The following IL4R variants were observed in gnomAD, a reference collection of about 807,000 sequenced individuals.
The protein encoded by IL4R is interleukin-4 receptor subunit alpha.
Under a neutral mutation model 41.5 loss-of-function variants are expected in IL4R, and 17 were observed. That is an observed-to-expected ratio of 0.41 (90% CI 0.28 to 0.61). The LOEUF (loss-of-function observed/expected upper bound fraction) is 0.61, where lower values mean the gene tolerates loss of function less well. Ranked by LOEUF, IL4R falls within the 20% of genes least tolerant of loss-of-function variation. IL4R has a pLI of 0.31. For synonymous variants in IL4R, 402 were observed against 422.9 expected, an observed-to-expected ratio of 0.95 and a Z score of 0.61; for missense variants, 974 against 1,043.1, an observed-to-expected ratio of 0.93 and a Z score of 0.91.
intron 1 of IL4R, among the ~76,000 whole-genome samples, chr16:27,319,220 C>G (rs56865014): frequency 9.9e-5 from 15 of 152,184 alleles, no homozygotes; most frequent in African/African-American, 3.6e-4. Context: ...AGAAAGAGGT[C>G]TAGGAGCAGA....
rs191235205 is a variant in IL4R, at chr16:27,338,075, G to C, written c.-18-2111G>C. ...GGGTTCAAGCAATTCTCCCACCTCG[G>C]CCTCCCGTGTAGCTGGGACTACAGG... is the stretch of plus-strand genomic sequence containing the variant. On this transcript the variant is annotated intron_variant, in intron 2 of 10. Transcript: ENST00000395762. 7.4e-3 allele frequency among the ~76,000 whole-genome samples: 1,118 copies of C among 150,590 alleles called. 10 individuals are homozygous for C. Among genetic ancestry groups the C allele is most frequent in the African/African-American group, 0.026 (1,075 of 40,970 alleles).
At chr16:27,328,165 C>T (rs1011081989) in intron 1 of IL4R, among the ~76,000 whole-genome samples, 24 of 146,164 alleles carry the variant, frequency 1.6e-4, no homozygotes, top group Non-Finnish European at 3.3e-4. Context: ...TGATATCGTG[C>T]CACTGCACTC....
intron 3 of IL4R, among the ~76,000 whole-genome samples, chr16:27,340,736 TG>T (rs2085414213): frequency 1.4e-5 from 2 of 146,692 alleles, no homozygotes; most frequent in African/African-American, 2.5e-5. Flanking sequence ...AAAGAGAAGG[TG>T]ATGGGGAAAG....
At chr16:27,354,706 C>A (rs540193144) in intron 7 of IL4R, among the ~76,000 whole-genome samples, 1 of 152,314 alleles carries the variant, frequency 6.6e-6, no homozygotes, top group African/African-American at 2.4e-5. Context: ...TAAGGGCTGT[C>A]GTAAAAACTC....
chr16:27,355,405 A>G (rs2086027182), intron 7 of IL4R: 1 of 283,598 alleles, frequency 3.5e-6, no homozygotes, highest in South Asian at 3.4e-5. Flanking sequence ...CATCCTCGCA[A>G]CAGCCCTGCA....
chr16:27,338,053 T>C (rs772639813), intron 2 of IL4R, among the ~76,000 whole-genome samples: 2 of 147,334 alleles, frequency 1.4e-5, no homozygotes, highest in South Asian at 4.4e-4. Flanking sequence ...GCCTCCTGGG[T>C]TCAAGCAATT....
At position 27,356,077 on chromosome 16, in the gene IL4R, CT is replaced by C. The variant is rs1307516496; in HGVS notation, c.770+176del. Among the ~76,000 whole-genome samples the C allele has an allele frequency of 3.7e-3, 221 of 60,104 alleles. 3 individuals are homozygous for C. The highest frequency in any genetic ancestry group is 6.7e-3 in the Non-Finnish European group (142 of 21,136). The allele number at this position is 60,104 out of a possible 152,430, so 39.4% of individuals were successfully genotyped here. A position where few individuals can be genotyped will look rare whatever the true frequency, so the allele number is the denominator to read the frequency against. On this transcript the variant is annotated intron_variant, in intron 8 of 10. Transcript: ENST00000395762. ...TGAGAACATATCGACAAGGACCCCA[CT>C]TTTTTCTTTTTTTTTTTTTTTTTTT... is the stretch of plus-strand genomic sequence containing the variant.
chr16:27,362,512 C>G lies in IL4R; in HGVS notation c.1160C>G (p.Ser387Trp). ...GAAGAAAAAGGGAGCTTCTGTGCAT[C>G]GCCTGAGAGCAGCAGGGATGACTTC... is the stretch of plus-strand genomic sequence containing the variant. Reference protein sequence around the residue: ...VEEEKGSFCASPESSRDDFQE... With the variant: ...VEEEKGSFCAWPESSRDDFQE... The change falls in exon 11 of 11, where the codon TCG becomes TGG. Residue 387 changes from serine (S) to tryptophan (W), a missense_variant. By Grantham distance (177) the Ser-to-Trp change is radical. This residue lies in a region of IL4R where 682 missense variants were observed against 704.3 expected (regional missense o/e 0.97). Coordinates refer to ENST00000395762, the MANE Select transcript of IL4R (RefSeq NM_000418.4). The G allele has an allele frequency of 6.2e-7, 1 of 1,614,130 alleles. No homozygotes were observed. The highest frequency in any genetic ancestry group is 1.1e-5 in the South Asian group (1 of 91,078).
At chr16:27,328,205 C>CAA (rs779355998) in intron 1 of IL4R, among the ~76,000 whole-genome samples, 2 of 70,494 alleles carry the variant, frequency 2.8e-5, no homozygotes, top group Non-Finnish European at 5.5e-5. Context: ...GGCTCCATCT[C>CAA]AAAAAAAAAA....
intron 4 of IL4R, among the ~76,000 whole-genome samples, chr16:27,344,070 C>T (rs1042602584): frequency 1.9e-4 from 29 of 152,066 alleles, no homozygotes; most frequent in Admixed American, 7.9e-4. Flanking sequence ...TTTGGGAGGC[C>T]GAGGTGGGCA....
chr16:27,316,985 C>T (rs1173628486), intron 1 of IL4R, among the ~76,000 whole-genome samples: 1 of 151,134 alleles, frequency 6.6e-6, no homozygotes, highest in Non-Finnish European at 1.5e-5. Context: ...CTCACTGTAG[C>T]ATCCAATACC....
Position 27,363,970 on chromosome 16 carries a change from C to A in IL4R, c.*140C>A. On this transcript the variant is annotated 3_prime_UTR_variant, in exon 11 of 11. Coordinates refer to ENST00000395762, the MANE Select transcript of IL4R (RefSeq NM_000418.4). Reference sequence around the variant, plus strand: ...ACCATGGTATGAAGGTGATTGGCCCCACTGACGTTGGCCTAACACTGGGCT... The same window carrying A: ...ACCATGGTATGAAGGTGATTGGCCCAACTGACGTTGGCCTAACACTGGGCT... 9.7e-7 allele frequency: 1 copy of A among 1,028,538 alleles called. No individual in the cohort carries two copies. Among genetic ancestry groups the A allele is most frequent in the Non-Finnish European group, 1.4e-6 (1 of 706,800 alleles). 63.7% of individuals were successfully genotyped at this position (1,028,538 alleles called of 1,614,324 possible). A position where few individuals can be genotyped will look rare whatever the true frequency, so the allele number is the denominator to read the frequency against.
intron 1 of IL4R, among the ~76,000 whole-genome samples, chr16:27,327,530 T>C (rs965588321): frequency 6.6e-6 from 1 of 152,242 alleles, no homozygotes; most frequent in East Asian, 1.9e-4. Flanking sequence ...CTTTGCTGCT[T>C]CCTAACTCTG....
chr16:27,346,190 A>G (rs1339061309), intron 5 of IL4R, among the ~76,000 whole-genome samples: 2 of 151,246 alleles, frequency 1.3e-5, no homozygotes, highest in Non-Finnish European at 3.0e-5. Flanking sequence ...GTGCCACTGC[A>G]CTCCAGCCTG....
rs1207344167 is a variant in IL4R at position 27,362,901 on chromosome 16, C to T, written c.1549C>T (p.Pro517Ser). The T allele has an allele frequency of 3.7e-6, 6 of 1,614,050 alleles. No homozygotes were observed. Among genetic ancestry groups the T allele is most frequent in the Non-Finnish European group, 5.1e-6 (6 of 1,180,036 alleles). ...SPCPRELGPD[P>S]LLARHLEEVE... ...GTGTCCCAGAGAGCTGGGTCCAGAC[C>T]CACTGCTGGCCAGACACCTGGAGGA... is the stretch of plus-strand genomic sequence containing the variant. The change falls in exon 11 of 11, where the codon CCA (proline) becomes TCA (serine). Residue 517 changes from proline (P) to serine (S), a missense_variant. Physicochemically the swap from Pro to Ser is moderately conservative, Grantham distance 74 (BLOSUM62 -1). Around this residue, in one of 3 missense-constraint regions of IL4R, gnomAD observed 682 missense variants for 704.3 expected, o/e 0.97. Transcript: ENST00000395762.
chr16:27,358,174 G>A (rs3024654), intron 8 of IL4R, among the ~76,000 whole-genome samples: 1,692 of 152,268 alleles, frequency 0.011, 23 homozygotes, highest in African/African-American at 0.039. Flanking sequence ...GATTACAGGC[G>A]TGAGCCACCA....
At chr16:27,347,068 TAATG>T (rs1291394063) in intron 6 of IL4R, among the ~76,000 whole-genome samples, 1 of 152,232 alleles carries the variant, frequency 6.6e-6, no homozygotes, top group Non-Finnish European at 1.5e-5. Context: ...TAATTCCTCT[TAATG>T]AAGAGAGCAG....
Position 27,363,825 on chromosome 16 carries a change from TC to T in IL4R, c.2474del (p.Ser825PhefsTer9). 1 of 1,600,932 alleles carries T rather than the reference TC, an allele frequency of 6.2e-7. No individual in the cohort carries two copies. Among genetic ancestry groups the T allele is most frequent in the Non-Finnish European group, 8.5e-7 (1 of 1,178,924 alleles). ...CGTGGGACCCACATACATGAGGGTCTCTTAGGTGCATGTCCTCTTGTTGCTG... is the reference window on the plus strand; with the variant it reads ...CGTGGGACCCACATACATGAGGGTCTTTAGGTGCATGTCCTCTTGTTGCTG... ...VSVGPTYMRVS is the reference protein window; with the variant it reads ...VSVGPTYMRVX On this transcript the variant is annotated frameshift_variant, in exon 11 of 11. Transcript: ENST00000395762. LOFTEE classifies it high-confidence loss of function.
chr16:27,351,451 G>C (rs1300857740), intron 6 of IL4R, among the ~76,000 whole-genome samples: 2 of 151,660 alleles, frequency 1.3e-5, no homozygotes, highest in Non-Finnish European at 2.9e-5. Context: ...TCAAAGTGGG[G>C]ATCATCGGGG....
Sources: gnomAD v4.1 joint callset for allele counts (sites outside exome capture counted in the v4.1 genomes callset) on GRCh38, gnomAD v4.1.1 for gene constraint, gnomAD v4.1.1 regional missense constraint, MANE v1.5 for transcripts, NCBI Gene and HGNC (gene_info 2026-07-23, HGNC 2026-07-21) for gene names.